The following NLN variants were observed in gnomAD, a reference collection of about 807,000 sequenced individuals.
The protein encoded by NLN is neurolysin, also known as neurolysin, mitochondrial.
Under a neutral mutation model 79.9 loss-of-function variants are expected in NLN, and 64 were observed. The ratio of observed to expected loss-of-function variants is 0.80; its 90% CI spans 0.65 to 0.99. The LOEUF (loss-of-function observed/expected upper bound fraction) is 0.99. Ranked by LOEUF, NLN falls within the 50% of genes least tolerant of loss-of-function variation. The pLI is 0.00. For missense variants in NLN, 835 were observed against 858.7 expected, an observed-to-expected ratio of 0.97 and a Z score of 0.34; for synonymous variants, 267 against 296.6, an observed-to-expected ratio of 0.90 and a Z score of 1.02.
intron 3 of NLN, among the ~76,000 whole-genome samples, chr5:65,766,411 ACAAT>A (rs1282809090): frequency 6.6e-6 from 1 of 152,196 alleles, no homozygotes; most frequent in African/African-American, 2.4e-5. Context: ...CACTTATCAA[ACAAT>A]CAGATCTTGT....
chr5:65,765,658 G>T (rs1759436114), intron 3 of NLN, among the ~76,000 whole-genome samples: 1 of 151,994 alleles, frequency 6.6e-6, no homozygotes, highest in Non-Finnish European at 1.5e-5. Context: ...GCACTGAGCA[G>T]TGGTTGTGCC....
chr5:65,768,090 A>T (rs1390507308), intron 3 of NLN, among the ~76,000 whole-genome samples: 1 of 151,926 alleles, frequency 6.6e-6, no homozygotes, highest in African/African-American at 2.4e-5. Context: ...AGCCCTCCAA[A>T]CTGTTCCAAC....
rs1482686040 is a variant in NLN, at chr5:65,826,559, A to C, written c.*3644A>C. 1 of 152,250 alleles carries C rather than the reference A, an allele frequency of 6.6e-6. No homozygotes were observed. The highest frequency in any genetic ancestry group is 1.5e-5 in the Non-Finnish European group (1 of 68,052). The allele number at this position is 152,250 out of a possible 1,614,324, so 9.4% of individuals were successfully genotyped here. ...TTAGATGTCTCCCATCTGAAATTGG[A>C]TAGCCCACTGAAATTGAACATGCCT... On this transcript the variant is annotated 3_prime_UTR_variant, in exon 13 of 13. Coordinates refer to ENST00000380985, the MANE Select transcript of NLN (RefSeq NM_020726.5).
intron 1 of NLN, among the ~76,000 whole-genome samples, chr5:65,736,946 A>G (rs949872440): frequency 6.7e-6 from 1 of 149,506 alleles, no homozygotes; most frequent in Non-Finnish European, 1.5e-5. Context: ...ACAAAACATT[A>G]AAAAAAAAAT....
At chr5:65,820,726 G>C (rs1007279484) in intron 12 of NLN, among the ~76,000 whole-genome samples, 1 of 150,744 alleles carries the variant, frequency 6.6e-6, no homozygotes, top group African/African-American at 2.4e-5. Context: ...GTTTTTTTTT[G>C]TTTGTTTGTT....
chr5:65,754,949 T>C (rs1759186627), intron 1 of NLN, among the ~76,000 whole-genome samples: 2 of 152,358 alleles, frequency 1.3e-5, no homozygotes, highest in African/African-American at 2.4e-5. Flanking sequence ...CCAGTGTTCA[T>C]GTAGGCAATT....
intron 3 of NLN, among the ~76,000 whole-genome samples, chr5:65,776,357 T>C (rs759340853): frequency 1.8e-4 from 27 of 152,202 alleles, no homozygotes; most frequent in Non-Finnish European, 2.9e-4. Context: ...ACAAAAGATA[T>C]ACAATTACAG....
intron 2 of NLN, among the ~76,000 whole-genome samples, chr5:65,759,725 C>T (rs1215781492): frequency 6.6e-6 from 1 of 152,112 alleles, no homozygotes; most frequent in African/African-American, 2.4e-5. Flanking sequence ...GGGCAGTCTG[C>T]TTTACTTCAG....
At chr5:65,820,566 AG>A (rs942089130) in intron 12 of NLN, among the ~76,000 whole-genome samples, 6 of 152,124 alleles carry the variant, frequency 3.9e-5, no homozygotes, top group African/African-American at 1.4e-4. Flanking sequence ...AAGGGAAGGG[AG>A]GTAAATTGTG....
intron 1 of NLN, among the ~76,000 whole-genome samples, chr5:65,737,024 G>C (rs1294810692): frequency 2.6e-5 from 4 of 152,108 alleles, no homozygotes; most frequent in Non-Finnish European, 5.9e-5. Context: ...AGGATTGCTT[G>C]ATCCTGGGAG....
intron 9 of NLN, among the ~76,000 whole-genome samples, chr5:65,795,306 T>G (rs891687184): frequency 2.6e-5 from 4 of 152,228 alleles, no homozygotes; most frequent in Non-Finnish European, 5.9e-5. Flanking sequence ...GAGGATGGTT[T>G]GAGCCTGGAA....
intron 9 of NLN, among the ~76,000 whole-genome samples, chr5:65,796,274 T>C (rs912807577): frequency 6.6e-6 from 1 of 152,226 alleles, no homozygotes; most frequent in East Asian, 1.9e-4. Flanking sequence ...ATCATATGCT[T>C]ACCATGTATT....
intron 1 of NLN, among the ~76,000 whole-genome samples, chr5:65,755,620 A>C (rs1759200436): frequency 6.6e-6 from 1 of 152,222 alleles, no homozygotes; most frequent in Admixed American, 6.5e-5. Flanking sequence ...AAATATTTAA[A>C]TTACATGAAA....
intron 1 of NLN, among the ~76,000 whole-genome samples, chr5:65,757,668 A>C (rs1759250429): frequency 6.6e-6 from 1 of 152,188 alleles, no homozygotes; most frequent in South Asian, 2.1e-4. Context: ...ACTAGTTTGA[A>C]TGTTTTAAGG....
intron 3 of NLN, among the ~76,000 whole-genome samples, chr5:65,769,188 C>T (rs545282474): frequency 4.2e-4 from 64 of 152,300 alleles, no homozygotes; most frequent in Non-Finnish European, 7.2e-4. Context: ...CCGCATTCTG[C>T]CCAGATTCAA....
At position 65,826,789 on chromosome 5, in the gene NLN, C is replaced by G. The variant is rs546052289; in HGVS notation, c.*3874C>G. The G allele has an allele frequency of 3.2e-4, 49 of 152,204 alleles. No individual in the cohort carries two copies. The highest frequency in any genetic ancestry group is 1.1e-3 in the African/African-American group (46 of 41,470). 9.4% of individuals were successfully genotyped at this position (152,204 alleles called of 1,614,324 possible). A position where few individuals can be genotyped will look rare whatever the true frequency, so the allele number is the denominator to read the frequency against. On this transcript the variant is annotated 3_prime_UTR_variant, in exon 13 of 13. Transcript: ENST00000380985. ...GGATGGTGGCACATGCCTGTAGTCC[C>G]AGCTACTTGGGAGGCTGAGGTGGGA...
At chr5:65,743,197 C>G (rs891491464) in intron 1 of NLN, among the ~76,000 whole-genome samples, 1 of 152,152 alleles carries the variant, frequency 6.6e-6, no homozygotes, top group African/African-American at 2.4e-5. Flanking sequence ...TAATAAAGCT[C>G]AGTATTCACG....
chr5:65,745,394 C>T (rs1401796115), intron 1 of NLN, among the ~76,000 whole-genome samples: 1 of 152,100 alleles, frequency 6.6e-6, no homozygotes, highest in African/African-American at 2.4e-5. Context: ...AATAAGGGCC[C>T]TCAGATACTT....
At chr5:65,753,641 C>T (rs1759151020) in intron 1 of NLN, among the ~76,000 whole-genome samples, 3 of 148,078 alleles carry the variant, frequency 2.0e-5, no homozygotes, top group Non-Finnish European at 4.5e-5. Context: ...TAGAGTGAGA[C>T]TCTATCTCCA....
Sources: gnomAD v4.1 joint callset for allele counts (sites outside exome capture counted in the v4.1 genomes callset) on GRCh38, gnomAD v4.1.1 for gene constraint, MANE v1.5 for transcripts, NCBI Gene and HGNC (gene_info 2026-07-23, HGNC 2026-07-21) for gene names.